KIAA2012: variants seen among roughly 807,000 people sequenced by gnomAD.
KIAA2012 encodes the protein uncharacterized protein KIAA2012.
A neutral mutation model predicts 150.6 loss-of-function variants in KIAA2012; 125 were observed. The observed-to-expected ratio is 0.83, with a 90% CI of 0.72 to 0.96. The LOEUF is 0.96. KIAA2012 is among the 40% of genes least tolerant of loss of function. KIAA2012 has a pLI of 0.00. For missense variants in KIAA2012, 1,219 were observed against 1,354.9 expected (o/e 0.90, Z 1.57); for synonymous variants, 462 against 504.7 (o/e 0.92, Z 1.13).
At chr2:202,118,294 A>T (rs1229951624) in intron 11 of KIAA2012, among the ~76,000 whole-genome samples, 1 of 152,160 alleles carries the variant, frequency 6.6e-6, no homozygotes, top group East Asian at 1.9e-4. Context: ...ATCTCTGGTC[A>T]AATGTTTGAG....
chr2:202,185,612 C>T (rs558294742), intron 16 of KIAA2012, among the ~76,000 whole-genome samples: 39 of 152,186 alleles, frequency 2.6e-4, no homozygotes, highest in African/African-American at 7.9e-4. Flanking sequence ...ACAACCACCT[C>T]CACCAAAAAA....
Position 202,090,826 on chromosome 2 carries a change from C to T in KIAA2012, c.426C>T (p.Ser142=), listed in dbSNP as rs1188950917. Residue 142 remains serine, a synonymous_variant, in exon 3 of 24, where the codon AGC becomes AGT. Transcript: ENST00000498697. ...TCCACTTCCGAAGCCAGCTGGAGAG[C>T]CAGGCCCAACGGCAGATCCAGCCAG... ...PYLHFRSQLE[S]QAQRQIQPGH... 2 of 1,550,474 alleles carry T rather than the reference C, an allele frequency of 1.3e-6. No homozygotes were observed. The highest frequency in any genetic ancestry group is 2.7e-5 in the African/African-American group (2 of 73,062).
Position 202,163,152 on chromosome 2 carries a change from G to A in KIAA2012, c.2047-2132G>A, listed in dbSNP as rs184972542. On this transcript the variant is annotated intron_variant, in intron 14 of 23. Transcript: ENST00000498697. ...GAAGTCTTGCTCTGTTTCCCAGGCT[G>A]GAGTGCGGTGGTGCGATCTCAGCTA... is the stretch of plus-strand genomic sequence containing the variant. Among the ~76,000 whole-genome samples, 140 of 137,954 alleles carry A rather than the reference G, an allele frequency of 1.0e-3. 1 individual carries two copies. The highest frequency in any genetic ancestry group is 3.7e-3 in the African/African-American group (137 of 37,020). 90.5% of individuals were successfully genotyped at this position (137,954 alleles called of 152,430 possible).
Position 202,103,102 on chromosome 2 carries a change from G to T in KIAA2012, c.1312G>T (p.Ala438Ser), listed in dbSNP as rs1476440319. 1.9e-6 allele frequency: 3 copies of T among 1,550,380 alleles called. No homozygotes were observed. The highest frequency in any genetic ancestry group is 2.7e-5 in the African/African-American group (2 of 73,020). The part of the protein sequence containing the change: ...YHTKQPPKEK[A>S]HRRGAPHPES... ...CACCAAACAACCCCCAAAAGAGAAAGCCCACAGAAGAGGTAGGTCCCGGGT... is the reference window on the plus strand; with the variant it reads ...CACCAAACAACCCCCAAAAGAGAAATCCCACAGAAGAGGTAGGTCCCGGGT... Residue 438 changes from alanine (A) to serine (S), a missense_variant, in exon 8 of 24, where the codon GCC becomes TCC. Physicochemically the swap from Ala to Ser is moderately conservative, Grantham distance 99. Coordinates refer to ENST00000498697, the MANE Select transcript of KIAA2012 (RefSeq NM_001277372.4).
chr2:202,161,999 GACATC>G (rs1359429657), intron 14 of KIAA2012, among the ~76,000 whole-genome samples: 8 of 151,884 alleles, frequency 5.3e-5, no homozygotes, highest in Non-Finnish European at 1.0e-4. Context: ...GACTAAAAGT[GACATC>G]ACATTTTATT....
intron 3 of KIAA2012, 151 bp from the exon 4 acceptor site, chr2:202,092,879 A>G (rs1689761491): frequency 1.5e-6 from 1 of 658,072 alleles, no homozygotes; most frequent in Non-Finnish European, 2.5e-6. Flanking sequence ...GTTCTATCTG[A>G]CTTTTTAATC....
chr2:202,196,167 G>GTTTTT (rs1692408475), intron 21 of KIAA2012, among the ~76,000 whole-genome samples: 2 of 100,432 alleles, frequency 2.0e-5, no homozygotes, highest in African/African-American at 7.6e-5. Flanking sequence ...GAAGCACCAA[G>GTTTTT]TTTCTTTTCT....
At chr2:202,139,273 A>G (rs1691147489) in intron 13 of KIAA2012, among the ~76,000 whole-genome samples, 1 of 151,974 alleles carries the variant, frequency 6.6e-6, no homozygotes, top group Admixed American at 6.6e-5. Context: ...TAGTGGTTCA[A>G]GGACATATGT....
intron 19 of KIAA2012, among the ~76,000 whole-genome samples, chr2:202,191,553 C>CAAAAAAAAAAGAAAAAAAAA (rs1692327949): frequency 7.0e-6 from 1 of 143,858 alleles, no homozygotes. Flanking sequence ...TATCTCTAAC[C>CAAAAAAAAAAGAAAAAAAAA]AAAAAAAAAA....
chr2:202,173,296 C>A (rs1422347672), intron 15 of KIAA2012, among the ~76,000 whole-genome samples: 2 of 152,196 alleles, frequency 1.3e-5, no homozygotes, highest in Non-Finnish European at 2.9e-5. Context: ...TAGGCCGGGC[C>A]TGGTCACTCA....
intron 2 of KIAA2012, among the ~76,000 whole-genome samples, chr2:202,079,322 GAGTTTAAAACACTAC>G (rs1689391415): frequency 6.6e-6 from 1 of 152,136 alleles, no homozygotes; most frequent in African/African-American, 2.4e-5. Context: ...GATAGTTCAA[GAGTTTAAAACACTAC>G]ACTCAAAGTC....
rs184936260 is a variant in KIAA2012 at position 202,181,058 on chromosome 2, C to A, written c.2120-3695C>A. Among the ~76,000 whole-genome samples the A allele has an allele frequency of 4.1e-3, 631 of 152,258 alleles. 7 individuals carry two copies. The highest frequency in any genetic ancestry group is 2.9e-3 in the South Asian group (14 of 4,818). ...CATCACAGCTCACGGCAGCTTCGAT[C>A]TCCCAAGCTCAAGCGATCCTCCCAC... On this transcript the variant is annotated intron_variant, in intron 15 of 23. Coordinates refer to ENST00000498697, the MANE Select transcript of KIAA2012 (RefSeq NM_001277372.4).
intron 2 of KIAA2012, among the ~76,000 whole-genome samples, chr2:202,085,222 G>A (rs1271089953): frequency 1.3e-5 from 2 of 152,200 alleles, no homozygotes; most frequent in Non-Finnish European, 2.9e-5. Context: ...AGAGAATGTG[G>A]TAGACAGGAT....
intron 13 of KIAA2012, among the ~76,000 whole-genome samples, chr2:202,153,823 G>T (rs1691473870): frequency 6.6e-6 from 1 of 152,214 alleles, no homozygotes; most frequent in Non-Finnish European, 1.5e-5. Context: ...TTTGTTGTGT[G>T]ACTAAATGAA....
At chr2:202,161,295 C>T (rs1433095281) in intron 14 of KIAA2012, among the ~76,000 whole-genome samples, 1 of 152,148 alleles carries the variant, frequency 6.6e-6, no homozygotes, top group Non-Finnish European at 1.5e-5. Context: ...TCCTCCTCCT[C>T]TCCCAGTCTT....
chr2:202,197,252 A>G, intron 22 of KIAA2012: 1 of 628,912 alleles, frequency 1.6e-6, no homozygotes. Flanking sequence ...ATCTACGTCA[A>G]CCCCCTAGTT....
At chr2:202,158,300 G>A (rs1454667979) in intron 14 of KIAA2012, among the ~76,000 whole-genome samples, 1 of 150,946 alleles carries the variant, frequency 6.6e-6, no homozygotes, top group Admixed American at 6.6e-5. Context: ...GGCCCCCTCA[G>A]CCAACATATA....
chr2:202,078,127 A>G (rs1689363996), intron 2 of KIAA2012, among the ~76,000 whole-genome samples: 1 of 152,254 alleles, frequency 6.6e-6, no homozygotes, highest in African/African-American at 2.4e-5. Flanking sequence ...GCAGAAAAAC[A>G]TTGACTACAG....
chr2:202,198,535 T>C (rs959670752), intron 22 of KIAA2012, among the ~76,000 whole-genome samples: 2 of 152,186 alleles, frequency 1.3e-5, no homozygotes, highest in Non-Finnish European at 1.5e-5. Context: ...GCCAGGGGAA[T>C]TTTCCCCCTT....
Sources: gnomAD v4.1 joint callset for allele counts (sites outside exome capture counted in the v4.1 genomes callset) on GRCh38, gnomAD v4.1.1 for gene constraint, MANE v1.5 for transcripts, NCBI Gene and HGNC (gene_info 2026-07-23, HGNC 2026-07-21) for gene names.